BMP7: variants seen among roughly 807,000 people sequenced by gnomAD.
BMP7 encodes the protein osteogenic protein 1.
In BMP7, 12 loss-of-function variants were observed where a neutral mutation model predicts 41.2. The ratio of observed to expected loss-of-function variants is 0.29; its 90% CI spans 0.19 to 0.47. The LOEUF (loss-of-function observed/expected upper bound fraction) is 0.47, where lower values mean the gene tolerates loss of function less well. BMP7 is among the 20% of genes least tolerant of loss of function. The probability of loss-of-function intolerance (pLI) is 0.99; values close to 1 mark genes in which losing one functional copy is unlikely to be tolerated. For missense variants in BMP7, 467 were observed against 606.0 expected (o/e 0.77, Z 2.41); for synonymous variants, 248 against 250.0 (o/e 0.99, Z 0.07).
At position 57,196,593 on chromosome 20, in the gene BMP7, G is replaced by A. The variant is rs140553892; in HGVS notation, c.760+5882C>T. Among the ~76,000 whole-genome samples the A allele has an allele frequency of 4.4e-3, 668 of 152,314 alleles. 5 individuals carry two copies. The highest frequency in any genetic ancestry group is 7.6e-3 in the Non-Finnish European group (515 of 68,028). On this transcript the variant is annotated intron_variant, in intron 3 of 6. Coordinates refer to ENST00000395863, the MANE Select transcript of BMP7 (RefSeq NM_001719.3). ...CTTGTTCTAACAACCAGATGCGGGG[G>A]TGGGGGAAGACCATCATTCATCATT...
chr20:57,217,203 C>T (rs1985052366), intron 2 of BMP7, among the ~76,000 whole-genome samples: 1 of 152,144 alleles, frequency 6.6e-6, no homozygotes, highest in African/African-American at 2.4e-5. Flanking sequence ...CTCCCACTTC[C>T]GGGACCTGTG....
intron 1 of BMP7, among the ~76,000 whole-genome samples, chr20:57,244,463 G>A (rs114734521): frequency 0.012 from 1,778 of 152,296 alleles, 25 homozygotes; most frequent in African/African-American, 0.041. Flanking sequence ...GGAAGACACC[G>A]GCTCCTTAGC....
chr20:57,205,207 GA>G (rs1829151513), intron 2 of BMP7, among the ~76,000 whole-genome samples: 1 of 152,202 alleles, frequency 6.6e-6, no homozygotes, highest in Non-Finnish European at 1.5e-5. Flanking sequence ...AGCACAGAGA[GA>G]TGACAGAAGC....
At chr20:57,237,519 A>T (rs1449564012) in intron 1 of BMP7, among the ~76,000 whole-genome samples, 1 of 152,222 alleles carries the variant, frequency 6.6e-6, no homozygotes, top group Non-Finnish European at 1.5e-5. Context: ...TCATTCATTC[A>T]TTCAAAGATT....
intron 3 of BMP7, among the ~76,000 whole-genome samples, chr20:57,193,503 C>T (rs1010140234): frequency 6.6e-6 from 1 of 152,198 alleles, no homozygotes; most frequent in Non-Finnish European, 1.5e-5. Context: ...GACACTGACC[C>T]ACTCACATCA....
At chr20:57,210,720 T>A (rs997017209) in intron 2 of BMP7, among the ~76,000 whole-genome samples, 6 of 152,208 alleles carry the variant, frequency 3.9e-5, no homozygotes, top group Non-Finnish European at 8.8e-5. Context: ...GCACACTGTC[T>A]CGTTACCTGG....
In BMP7 at chr20:57,220,786, T is replaced by C. The variant is rs564704018; in HGVS notation, c.611+7443A>G. The stretch of plus-strand genomic sequence containing the variant: ...ATAATTACAGGCAATTTTCACTTTT[T>C]GGAAATTGGGCTCAGATGCTGAAGA... On this transcript the variant is annotated intron_variant, in intron 2 of 6. Transcript: ENST00000395863. Among the ~76,000 whole-genome samples the C allele has an allele frequency of 3.3e-5, 5 of 152,330 alleles. No individual in the cohort carries two copies. In the South Asian group the frequency reaches 1.0e-3, roughly 32 times the overall value.
rs1288833023 is a variant in BMP7, at chr20:57,266,185, AG to A, written c.-64del. The A allele has an allele frequency of 2.8e-6, 4 of 1,406,364 alleles. No homozygotes were observed. Among genetic ancestry groups the A allele is most frequent in the Non-Finnish European group, 3.7e-6 (4 of 1,087,538 alleles). The allele number at this position is 1,406,364 out of a possible 1,614,324, so 87.1% of individuals were successfully genotyped here. A position where few individuals can be genotyped will look rare whatever the true frequency, so the allele number is the denominator to read the frequency against. On this transcript the variant is annotated 5_prime_UTR_variant, in exon 1 of 7. Coordinates refer to ENST00000395863, the MANE Select transcript of BMP7 (RefSeq NM_001719.3). ...GGGCCCGCACCGCCCCAGGTGGCAG[AG>A]GGGGCAGGCGGCCGTCCGCGCCGCT...
chr20:57,209,239 TTATATATTTTTATATATATATA>T (rs1359012518), intron 2 of BMP7, among the ~76,000 whole-genome samples: 90 of 63,498 alleles, frequency 1.4e-3, no homozygotes, highest in African/African-American at 4.1e-3. Context: ...ATACCTAGAT[TTATATATTTTTATATATATATA>T]TATATATATA....
chr20:57,250,320 T>A (rs1033908623), intron 1 of BMP7, among the ~76,000 whole-genome samples: 1 of 144,230 alleles, frequency 6.9e-6, no homozygotes. Flanking sequence ...AATATAAATA[T>A]ATTTATATAA....
intron 2 of BMP7, among the ~76,000 whole-genome samples, chr20:57,226,824 C>CTTTT (rs36113686): frequency 9.7e-5 from 12 of 123,174 alleles, no homozygotes; most frequent in African/African-American, 2.2e-4. Context: ...TACTCAAAAA[C>CTTTT]TTTTTTTTTT....
At chr20:57,244,919 T>C (rs553061050) in intron 1 of BMP7, among the ~76,000 whole-genome samples, 6 of 152,290 alleles carry the variant, frequency 3.9e-5, no homozygotes, top group African/African-American at 1.4e-4. Context: ...AAATGAGAAT[T>C]TATAATCCTT....
At chr20:57,186,823 G>T (rs951882754) in intron 3 of BMP7, among the ~76,000 whole-genome samples, 1 of 151,776 alleles carries the variant, frequency 6.6e-6, no homozygotes, top group South Asian at 2.1e-4. Flanking sequence ...GTGTTTAAAA[G>T]AACAAATTTT....
In BMP7 at chr20:57,214,583, C is replaced by A. The variant is rs182923046; in HGVS notation, c.612-11960G>T. ...TGTGCCAGTCTCCAGCCCACCACAG[C>A]CCCTCACACATGCTGTTTCCGCTGC... On this transcript the variant is annotated intron_variant, in intron 2 of 6. Coordinates refer to ENST00000395863, the MANE Select transcript of BMP7 (RefSeq NM_001719.3). The surrounding 1 kb of genome is among the most constrained non-coding windows in gnomAD (Gnocchi z 4.0). Among the ~76,000 whole-genome samples the A allele has an allele frequency of 6.6e-6, 1 of 152,088 alleles. No homozygotes were observed. The highest frequency in any genetic ancestry group is 2.4e-5 in the African/African-American group (1 of 41,400).
chr20:57,191,200 A>G (rs1438746307), intron 3 of BMP7, among the ~76,000 whole-genome samples: 1 of 152,212 alleles, frequency 6.6e-6, no homozygotes, highest in Non-Finnish European at 1.5e-5. Flanking sequence ...AAGGTGCATC[A>G]TGAAGCATCA....
At position 57,266,076 on chromosome 20, in the gene BMP7, G is replaced by T; in HGVS notation, c.47C>A (p.Ala16Glu). The part of the protein sequence containing the change: ...LRAAAPHSFV[A>E]LWAPLFLLRS... ...CAGCAGGAACAGGGGTGCCCAGAGC[G>T]CCACGAAGCTGTGCGGCGCCGCAGC... Residue 16 changes from alanine (A) to glutamate (E), a missense_variant, in exon 1 of 7, where the codon GCG (alanine) becomes GAG (glutamate). Ala to Glu is a moderately radical substitution (Grantham distance 107, BLOSUM62 -1). Around this residue, in one of 2 missense-constraint regions of BMP7, gnomAD observed 407 missense variants for 485.9 expected, o/e 0.84. Coordinates refer to ENST00000395863, the MANE Select transcript of BMP7 (RefSeq NM_001719.3). The T allele has an allele frequency of 1.3e-6, 2 of 1,538,912 alleles. No individual in the cohort carries two copies. Among genetic ancestry groups the T allele is most frequent in the South Asian group, 1.2e-5 (1 of 84,014 alleles).
intron 2 of BMP7, among the ~76,000 whole-genome samples, chr20:57,209,248 T>TA (rs1344531311): frequency 0.019 from 1,253 of 66,302 alleles, 24 homozygotes; most frequent in African/African-American, 0.042. Context: ...TTTATATATT[T>TA]TTATATATAT....
At position 57,214,750 on chromosome 20, in the gene BMP7, G is replaced by T. The variant is rs1377674827; in HGVS notation, c.612-12127C>A. On this transcript the variant is annotated intron_variant, in intron 2 of 6. Coordinates refer to ENST00000395863, the MANE Select transcript of BMP7 (RefSeq NM_001719.3). This position sits in a 1 kb window ranked among gnomAD's most constrained non-coding sequence, Gnocchi z 4.0. ...AAGTCCTCTCCCCTGCGCCATCTGG[G>T]CTGGAGTTTCAGTTTGTTTGTATAG... 1 of 152,326 alleles carries T rather than the reference G, an allele frequency of 6.6e-6. No homozygotes were observed. The highest frequency in any genetic ancestry group is 1.9e-4 in the East Asian group (1 of 5,198). 9.4% of individuals were successfully genotyped at this position (152,326 alleles called of 1,614,324 possible).
intron 4 of BMP7, among the ~76,000 whole-genome samples, chr20:57,175,912 C>T (rs1465210175): frequency 2.0e-5 from 3 of 152,206 alleles, no homozygotes; most frequent in Admixed American, 6.5e-5. Context: ...TTGCATGTGC[C>T]GTTTCCTCCA....
Sources: gnomAD v4.1 joint callset for allele counts (sites outside exome capture counted in the v4.1 genomes callset) on GRCh38, gnomAD v4.1.1 for gene constraint, gnomAD v4.1.1 regional missense constraint, Gnocchi (gnomAD v3.1) non-coding constraint, MANE v1.5 for transcripts, NCBI Gene and HGNC (gene_info 2026-07-23, HGNC 2026-07-21) for gene names.